VWC2L: variants seen among roughly 807,000 people sequenced by gnomAD.
The protein encoded by VWC2L is von Willebrand factor C domain containing 2 like, also known as von Willebrand factor C domain-containing protein 2-like.
In VWC2L, 10 loss-of-function variants were observed where a neutral mutation model predicts 21.6. The observed-to-expected ratio is 0.46, with a 90% confidence interval of 0.29 to 0.78. The LOEUF is 0.78. Among genes scored for constraint, VWC2L ranks in the 30% least tolerant of loss-of-function variants. VWC2L has a pLI of 0.10. For synonymous variants in VWC2L, 96 were observed against 94.3 expected (o/e 1.02, Z -0.10); for missense variants, 209 against 277.1 (o/e 0.75, Z 1.74).
intron 3 of VWC2L, among the ~76,000 whole-genome samples, chr2:214,543,437 C>A (rs968574812): frequency 3.3e-5 from 5 of 152,148 alleles, no homozygotes; most frequent in African/African-American, 1.2e-4. Flanking sequence ...TTTTGAAAGT[C>A]AACCAAGATA....
chr2:214,498,836 AC>A (rs1688849621), intron 3 of VWC2L, among the ~76,000 whole-genome samples: 1 of 150,846 alleles, frequency 6.6e-6, no homozygotes, highest in African/African-American at 2.4e-5. Context: ...GTGCAAAAAA[AC>A]CCACGGGCAG....
At chr2:214,487,298 G>A (rs556392938) in intron 3 of VWC2L, among the ~76,000 whole-genome samples, 1 of 151,882 alleles carries the variant, frequency 6.6e-6, no homozygotes, top group South Asian at 2.1e-4. Flanking sequence ...TCATTAATCA[G>A]CAAGCATGGG....
At chr2:214,574,255 C>G (rs1165387346) in intron 3 of VWC2L, among the ~76,000 whole-genome samples, 1 of 152,172 alleles carries the variant, frequency 6.6e-6, no homozygotes, top group Non-Finnish European at 1.5e-5. Context: ...CTCTGCATGG[C>G]TCTTCACGCT....
At chr2:214,542,157 G>A (rs1042698212) in intron 3 of VWC2L, among the ~76,000 whole-genome samples, 3 of 152,004 alleles carry the variant, frequency 2.0e-5, no homozygotes, top group Admixed American at 2.0e-4. Flanking sequence ...CAGTTCCTTC[G>A]GCTTGTCCTT....
intron 3 of VWC2L, among the ~76,000 whole-genome samples, chr2:214,466,991 G>A (rs1703226947): frequency 6.6e-6 from 1 of 152,114 alleles, no homozygotes; most frequent in Admixed American, 6.5e-5. Context: ...ATTTTACCTT[G>A]TTGAGTGCTG....
At chr2:214,425,835 G>A (rs1702516225) in intron 2 of VWC2L, among the ~76,000 whole-genome samples, 1 of 152,100 alleles carries the variant, frequency 6.6e-6, no homozygotes, top group Non-Finnish European at 1.5e-5. Context: ...AGGTACCACT[G>A]ATGATAAGTA....
chr2:214,450,332 G>A (rs1702934768), intron 3 of VWC2L, among the ~76,000 whole-genome samples: 1 of 152,192 alleles, frequency 6.6e-6, no homozygotes, highest in African/African-American at 2.4e-5. Context: ...AGTGTCATCA[G>A]AGAGGGACAG....
intron 3 of VWC2L, among the ~76,000 whole-genome samples, chr2:214,573,289 T>G (rs1012374301): frequency 6.6e-6 from 1 of 152,088 alleles, no homozygotes; most frequent in African/African-American, 2.4e-5. Context: ...ACGGTTAAGA[T>G]TCTTCTGACT....
chr2:214,525,020 GC>G (rs1689306773), intron 3 of VWC2L, among the ~76,000 whole-genome samples: 1 of 143,468 alleles, frequency 7.0e-6, no homozygotes, highest in Non-Finnish European at 1.5e-5. Flanking sequence ...AAGCTTGGGT[GC>G]AAGAAGAGTT....
chr2:214,555,504 T>G (rs866441508), intron 3 of VWC2L, among the ~76,000 whole-genome samples: 4 of 152,330 alleles, frequency 2.6e-5, no homozygotes, highest in South Asian at 4.1e-4. Flanking sequence ...TCCAGTATTT[T>G]GCTATCTCTG....
chr2:214,445,702 C>G (rs2126182442), intron 3 of VWC2L, among the ~76,000 whole-genome samples: 1 of 151,794 alleles, frequency 6.6e-6, no homozygotes, highest in Non-Finnish European at 1.5e-5. Context: ...TTTGACAAAC[C>G]TGTATTTTCT....
At chr2:214,415,038 T>C (rs1483094898) in intron 2 of VWC2L, 1 of 171,664 alleles carries the variant, frequency 5.8e-6, no homozygotes, top group African/African-American at 2.4e-5. Context: ...TACAGAGATA[T>C]ACTTCTTAGC....
chr2:214,472,985 C>A (rs1239360606), intron 3 of VWC2L, among the ~76,000 whole-genome samples: 1 of 152,140 alleles, frequency 6.6e-6, no homozygotes, highest in African/African-American at 2.4e-5. Flanking sequence ...TTTCCTCCAA[C>A]AATAGCTTAA....
At chr2:214,417,772 C>G (rs1335881500) in intron 2 of VWC2L, among the ~76,000 whole-genome samples, 1 of 152,012 alleles carries the variant, frequency 6.6e-6, no homozygotes, top group Non-Finnish European at 1.5e-5. Context: ...GCGGATTGTT[C>G]TGTACATAGA....
rs771364211 is a variant in VWC2L, at chr2:214,436,729, C to A, written c.491C>A (p.Pro164Gln). 1.3e-5 allele frequency: 21 copies of A among 1,613,274 alleles called. No individual in the cohort carries two copies. Among genetic ancestry groups the A allele is most frequent in the East Asian group, 2.2e-5 (1 of 44,862 alleles). ...VPECVNPVYE[P>Q]EQCCPVCKNG... ...GAGTGTGTCAACCCAGTCTATGAAC[C>A]AGAACAATGTTGTCCTGTCTGCAAA... Residue 164 changes from proline (P) to glutamine (Q), a missense_variant, in exon 3 of 4, where the codon CCA becomes CAA. Physicochemically the swap from Pro to Gln is moderately conservative, Grantham distance 76. Transcript: ENST00000312504.
rs751427602 is a variant in VWC2L at position 214,575,840 on chromosome 2, A to T, written c.*20A>T. ...GTGTAGGACAAACTTCCACCCAATG[A>T]TGAGTTCTTAGGAAAGGATGCTATG... On this transcript the variant is annotated 3_prime_UTR_variant, in exon 4 of 4. Coordinates refer to ENST00000312504, the MANE Select transcript of VWC2L (RefSeq NM_001080500.4). 1 of 1,607,514 alleles carries T rather than the reference A, an allele frequency of 6.2e-7. No individual in the cohort carries two copies. Among genetic ancestry groups the T allele is most frequent in the South Asian group, 1.1e-5 (1 of 90,618 alleles).
At chr2:214,543,868 G>T (rs80175537) in intron 3 of VWC2L, among the ~76,000 whole-genome samples, 1 of 152,036 alleles carries the variant, frequency 6.6e-6, no homozygotes, top group African/African-American at 2.4e-5. Flanking sequence ...TCATTTTGTC[G>T]CCAGGTAAGG....
At chr2:214,482,552 CATATAT>C (rs56972597) in intron 3 of VWC2L, among the ~76,000 whole-genome samples, 3 of 144,680 alleles carry the variant, frequency 2.1e-5, no homozygotes, top group South Asian at 4.3e-4. Flanking sequence ...CACACACACA[CATATAT>C]ATATATATCT....
At position 214,513,635 on chromosome 2, in the gene VWC2L, T is replaced by C. The variant is rs545463547; in HGVS notation, c.521-62037T>C. 2.6e-5 allele frequency among the ~76,000 whole-genome samples: 4 copies of C among 152,232 alleles called. No individual in the cohort carries two copies. In the South Asian group the frequency reaches 6.2e-4, roughly 24 times the overall value. On this transcript the variant is annotated intron_variant, in intron 3 of 3. Coordinates refer to ENST00000312504, the MANE Select transcript of VWC2L (RefSeq NM_001080500.4). ...ATTCATTCACTCATTCATTCAGCTATTCAATATATAATTTTGGAGGACCTA... is the reference window on the plus strand; with the variant it reads ...ATTCATTCACTCATTCATTCAGCTACTCAATATATAATTTTGGAGGACCTA...
Sources: allele counts gnomAD v4.1 joint callset (sites outside exome capture counted in the v4.1 genomes callset), GRCh38; gene constraint gnomAD v4.1.1; transcripts MANE v1.5; gene names NCBI Gene and HGNC (gene_info 2026-07-23, HGNC 2026-07-21).